WWOX: variants seen among roughly 807,000 people sequenced by gnomAD.
The protein encoded by WWOX is WW domain containing oxidoreductase.
Under a neutral mutation model 46.2 loss-of-function variants are expected in WWOX, and 69 were observed. The observed-to-expected ratio is 1.49, with a 90% CI of 1.23 to 1.82. The LOEUF (loss-of-function observed/expected upper bound fraction) is 1.82. WWOX is among the 40% of genes most tolerant of loss of function. The pLI is 0.00. For missense variants in WWOX, 919 were observed against 542.6 expected (o/e 1.69, Z -6.89); for synonymous variants, 359 against 202.6 (o/e 1.77, Z -6.56).
rs180726322 is a variant in WWOX, at chr16:78,486,583, T to G, written c.1056+53831T>G. On this transcript the variant is annotated intron_variant, in intron 8 of 8. Coordinates refer to ENST00000566780, the MANE Select transcript of WWOX (RefSeq NM_016373.4). ...CAGTTTTGTTTTGTTTTGTTTTGTTTTGTTTTGTTTTGAAACAGTCTCACT... is the reference window on the plus strand; with the variant it reads ...CAGTTTTGTTTTGTTTTGTTTTGTTGTGTTTTGTTTTGAAACAGTCTCACT... Among the ~76,000 whole-genome samples, 4 of 151,880 alleles carry G rather than the reference T, an allele frequency of 2.6e-5. No homozygotes were observed. The East Asian group carries it at 7.7e-4, about 29-fold the overall frequency.
At chr16:78,381,285 C>G (rs2151929641) in intron 5 of WWOX, among the ~76,000 whole-genome samples, 1 of 152,280 alleles carries the variant, frequency 6.6e-6, no homozygotes, top group South Asian at 2.1e-4. Context: ...CCTTTGATTC[C>G]ACACTTACAG....
intron 8 of WWOX, among the ~76,000 whole-genome samples, chr16:78,774,653 C>T (rs930531914): frequency 6.6e-6 from 1 of 151,862 alleles, no homozygotes; most frequent in Non-Finnish European, 1.5e-5. Flanking sequence ...TGCTCCCAGG[C>T]TCCGGGCAGT....
At position 78,424,112 on chromosome 16, in the gene WWOX, T is replaced by C. The variant is rs566390353; in HGVS notation, c.606-758T>C. Among the ~76,000 whole-genome samples the C allele has an allele frequency of 1.1e-4, 16 of 143,932 alleles. No individual in the cohort carries two copies. The East Asian group carries it at 2.1e-3, about 19-fold the overall frequency. 94.4% of individuals were successfully genotyped at this position (143,932 alleles called of 152,430 possible). On this transcript the variant is annotated intron_variant, in intron 6 of 8. Coordinates refer to ENST00000566780, the MANE Select transcript of WWOX (RefSeq NM_016373.4). The stretch of plus-strand genomic sequence containing the variant: ...TTTTTCTTTTCTTTTCTTTTCTTTT[T>C]TTTTTTTGTTTTTTTTTTTTTTGGA...
At chr16:78,137,629 G>A (rs562137366) in intron 4 of WWOX, among the ~76,000 whole-genome samples, 15 of 152,238 alleles carry the variant, frequency 9.9e-5, no homozygotes, top group African/African-American at 2.4e-4. Flanking sequence ...AAGATGCACC[G>A]TCATATGAAA....
At chr16:78,792,271 G>A (rs1230898802) in intron 8 of WWOX, among the ~76,000 whole-genome samples, 1 of 152,140 alleles carries the variant, frequency 6.6e-6, no homozygotes, top group Admixed American at 6.5e-5. Flanking sequence ...GCTGGGAATG[G>A]GCTGATCTAG....
At chr16:78,876,953 G>A (rs938817842) in intron 8 of WWOX, among the ~76,000 whole-genome samples, 1 of 152,122 alleles carries the variant, frequency 6.6e-6, no homozygotes, top group African/African-American at 2.4e-5. Context: ...GTAGGAAAAT[G>A]TGTTTCCTCT....
At chr16:78,916,994 C>A (rs1213564064) in intron 8 of WWOX, among the ~76,000 whole-genome samples, 1 of 152,184 alleles carries the variant, frequency 6.6e-6, no homozygotes, top group Admixed American at 6.5e-5. Context: ...TTTTTCTCAG[C>A]ATTGGCACCA....
intron 8 of WWOX, among the ~76,000 whole-genome samples, chr16:79,062,368 G>A (rs915339741): frequency 6.6e-5 from 10 of 152,172 alleles, no homozygotes; most frequent in Non-Finnish European, 4.4e-5. Context: ...CCTCATAATA[G>A]TCGTGGAGGG....
At chr16:78,120,920 T>G (rs1330867735) in intron 4 of WWOX, among the ~76,000 whole-genome samples, 1 of 152,210 alleles carries the variant, frequency 6.6e-6, no homozygotes, top group Admixed American at 6.5e-5. Flanking sequence ...GCTTCTTTGT[T>G]TTCTTTTCCA....
chr16:78,683,281 TGGGTGGATTGCCTGAGCTCAGGAGGGC>T (rs55725404), intron 8 of WWOX, among the ~76,000 whole-genome samples: 16,962 of 151,222 alleles, frequency 0.11, 1,121 homozygotes, highest in East Asian at 0.19. Context: ...GAGGCTGAGG[TGGGTGGATTGCCTGAGCTCAGGAGGGC>T]GGGTGGATTG....
At position 78,651,992 on chromosome 16, in the gene WWOX, T is replaced by G. The variant is rs147702543; in HGVS notation, c.1056+219240T>G. Among the ~76,000 whole-genome samples the G allele has an allele frequency of 3.8e-3, 575 of 152,224 alleles. 5 individuals carry two copies. Among genetic ancestry groups the G allele is most frequent in the Admixed American group, 8.7e-3 (133 of 15,300 alleles). On this transcript the variant is annotated intron_variant, in intron 8 of 8. Coordinates refer to ENST00000566780, the MANE Select transcript of WWOX (RefSeq NM_016373.4). ...ATTATTATGAGGATTATTTTCTACC[T>G]AGATCAGGTATAAGGTGGATGTATT...
chr16:78,184,907 A>G (rs2035647729), intron 5 of WWOX, among the ~76,000 whole-genome samples: 1 of 152,240 alleles, frequency 6.6e-6, no homozygotes, highest in South Asian at 2.1e-4. Flanking sequence ...GCTTGAAACA[A>G]CAAAGGTTTA....
At chr16:78,640,311 C>A (rs1351507568) in intron 8 of WWOX, among the ~76,000 whole-genome samples, 1 of 131,214 alleles carries the variant, frequency 7.6e-6, no homozygotes, top group African/African-American at 2.8e-5. Context: ...GAATGTTTCA[C>A]TTCCAAATCC....
intron 8 of WWOX, among the ~76,000 whole-genome samples, chr16:78,576,173 C>T (rs1193833368): frequency 6.6e-6 from 1 of 152,108 alleles, no homozygotes; most frequent in Non-Finnish European, 1.5e-5. Context: ...ATATGCTATG[C>T]ATTTGAAAGG....
chr16:79,046,416 G>T (rs963226973), intron 8 of WWOX, among the ~76,000 whole-genome samples: 4 of 152,176 alleles, frequency 2.6e-5, no homozygotes, highest in African/African-American at 9.7e-5. Context: ...TCACAGACTG[G>T]ATGGCCTTAA....
At chr16:79,173,199 C>G (rs1050866241) in intron 8 of WWOX, among the ~76,000 whole-genome samples, 2 of 152,184 alleles carry the variant, frequency 1.3e-5, no homozygotes, top group African/African-American at 4.8e-5. Flanking sequence ...AGAGTGAACC[C>G]TTTCGGTTCA....
chr16:79,006,771 G>C (rs558451701), intron 8 of WWOX, among the ~76,000 whole-genome samples: 68 of 152,170 alleles, frequency 4.5e-4, no homozygotes, highest in African/African-American at 1.6e-3. Context: ...CATCTTCATG[G>C]ACTCAGGGTC....
At chr16:78,887,801 G>C (rs16948753) in intron 8 of WWOX, among the ~76,000 whole-genome samples, 2,134 of 152,234 alleles carry the variant, frequency 0.014, 47 homozygotes, top group African/African-American at 0.045. Context: ...GTGCAATTAA[G>C]AGTTTTGCTG....
intron 4 of WWOX, among the ~76,000 whole-genome samples, chr16:78,138,606 A>G (rs902773784): frequency 2.0e-5 from 3 of 152,204 alleles, no homozygotes; most frequent in Non-Finnish European, 4.4e-5. Flanking sequence ...ATATCTTTTG[A>G]AAGAAGATTT....
Sources: gnomAD v4.1 joint callset for allele counts (sites outside exome capture counted in the v4.1 genomes callset) on GRCh38, gnomAD v4.1.1 for gene constraint, MANE v1.5 for transcripts, NCBI Gene and HGNC (gene_info 2026-07-23, HGNC 2026-07-21) for gene names.